The following FAM222B variants were observed in gnomAD, a reference collection of about 807,000 sequenced individuals.
FAM222B encodes the protein family with sequence similarity 222 member B.
A neutral mutation model predicts 38.0 loss-of-function variants in FAM222B; 12 were observed. The ratio of observed to expected loss-of-function variants is 0.32; its 90% CI spans 0.20 to 0.51. FAM222B has a LOEUF of 0.51. FAM222B is among the 20% of genes least tolerant of loss of function. FAM222B has a pLI of 0.97. For missense variants in FAM222B, 716 were observed against 754.2 expected (o/e 0.95, Z 0.59); for synonymous variants, 329 against 317.2 (o/e 1.04, Z -0.40).
intron 1 of FAM222B, among the ~76,000 whole-genome samples, chr17:28,827,307 A>G (rs1211442227): frequency 6.6e-6 from 1 of 152,112 alleles, no homozygotes; most frequent in Admixed American, 6.6e-5. Context: ...GCAGTGAGCT[A>G]TGACAGTGCC....
chr17:28,815,566 C>A (rs2037990223), intron 1 of FAM222B, among the ~76,000 whole-genome samples: 1 of 151,966 alleles, frequency 6.6e-6, no homozygotes, highest in Non-Finnish European at 1.5e-5. Context: ...GTGGCTCATG[C>A]CTGTAATCCC....
At position 28,759,285 on chromosome 17, in the gene FAM222B, G is replaced by T; in HGVS notation, c.674C>A (p.Pro225His). 2 of 1,612,940 alleles carry T rather than the reference G, an allele frequency of 1.2e-6. No homozygotes were observed. The highest frequency in any genetic ancestry group is 1.7e-6 in the Non-Finnish European group (2 of 1,179,550). ...CATCTTCCGGCCTCCATGCAGCAAG[G>T]GATTGTGGGGGTGCTGGAGACCCTG... ...AHQGLQHPHN[P>H]LLHGGRKMPD... The change falls in exon 3 of 3, where the codon CCC becomes CAC. Residue 225 changes from proline (P) to histidine (H), a missense_variant. By Grantham distance (77) the Pro-to-His change is moderately conservative. Coordinates refer to ENST00000581407, the MANE Select transcript of FAM222B (RefSeq NM_001077498.3). The surrounding 1 kb of genome is among the most constrained non-coding windows in gnomAD (Gnocchi z 4.8).
In FAM222B at chr17:28,759,216, G is replaced by A; in HGVS notation, c.743C>T (p.Thr248Ile). ...AGTGGCCGCCATTGAAAGGGGGATA[G>A]TTGAGGTAGACACGGTCACATTCGG... ...APPNVTVSTS[T>I]IPLSMAATLQ... The change falls in exon 3 of 3, where the codon ACT (threonine) becomes ATT (isoleucine). Residue 248 changes from threonine to isoleucine, a missense_variant. Transcript: ENST00000581407. This position sits in a 1 kb window ranked among gnomAD's most constrained non-coding sequence, Gnocchi z 4.8. 3 of 1,613,748 alleles carry A rather than the reference G, an allele frequency of 1.9e-6. No homozygotes were observed. The highest frequency in any genetic ancestry group is 2.5e-6 in the Non-Finnish European group (3 of 1,179,816).
At chr17:28,783,673 C>T (rs1368109812) in intron 1 of FAM222B, among the ~76,000 whole-genome samples, 3 of 152,106 alleles carry the variant, frequency 2.0e-5, no homozygotes, top group Non-Finnish European at 4.4e-5. Flanking sequence ...GTGCATCCAG[C>T]TAATTTTTTG....
chr17:28,830,535 C>T (rs192784132), intron 1 of FAM222B, among the ~76,000 whole-genome samples: 15 of 152,212 alleles, frequency 9.9e-5, no homozygotes, highest in African/African-American at 3.4e-4. Context: ...CTTATATTTT[C>T]ATCTACTTGA....
chr17:28,821,269 G>T (rs1219657103), intron 1 of FAM222B, among the ~76,000 whole-genome samples: 1 of 151,996 alleles, frequency 6.6e-6, no homozygotes, highest in Non-Finnish European at 1.5e-5. Context: ...CTAATAATAT[G>T]AACATTCTAA....
intron 2 of FAM222B, among the ~76,000 whole-genome samples, chr17:28,763,806 G>A (rs775547390): frequency 7.9e-5 from 12 of 152,190 alleles, no homozygotes; most frequent in Non-Finnish European, 1.3e-4. Flanking sequence ...ATAGTGCCTG[G>A]CACATGGTAG....
intron 2 of FAM222B, among the ~76,000 whole-genome samples, chr17:28,761,639 C>T (rs865934953): frequency 2.0e-5 from 3 of 152,126 alleles, no homozygotes; most frequent in South Asian, 2.1e-4. Flanking sequence ...TGGTTAGCAA[C>T]TCCTGCTCTG....
intron 1 of FAM222B, among the ~76,000 whole-genome samples, chr17:28,830,464 C>G (rs1230658990): frequency 6.6e-6 from 1 of 151,982 alleles, no homozygotes; most frequent in East Asian, 1.9e-4. Flanking sequence ...CCGGCCTATA[C>G]ATTCTTAATA....
At chr17:28,776,136 G>A (rs1209290851) in intron 1 of FAM222B, among the ~76,000 whole-genome samples, 1 of 150,534 alleles carries the variant, frequency 6.6e-6, no homozygotes, top group Non-Finnish European at 1.5e-5. Flanking sequence ...ATCCCAGGAG[G>A]CTGAGGCGGG....
At chr17:28,836,767 T>C (rs950261563) in intron 1 of FAM222B, among the ~76,000 whole-genome samples, 2 of 152,202 alleles carry the variant, frequency 1.3e-5, no homozygotes, top group African/African-American at 4.8e-5. Context: ...AGGCCCAGGG[T>C]GTGGCGCCGG....
chr17:28,810,119 C>G (rs2037684718), intron 1 of FAM222B, among the ~76,000 whole-genome samples: 1 of 152,108 alleles, frequency 6.6e-6, no homozygotes, highest in Non-Finnish European at 1.5e-5. Flanking sequence ...ACCTCAGCCT[C>G]CCAAGCAGCT....
At position 28,759,917 on chromosome 17, in the gene FAM222B, G is replaced by C. The variant is rs1178134697; in HGVS notation, c.83-41C>G. On this transcript the variant is annotated intron_variant, in intron 2 of 2. Transcript: ENST00000581407. The surrounding 1 kb of genome is among the most constrained non-coding windows in gnomAD (Gnocchi z 4.8). ...GGGAAGGAGAGCAAAGAGGGAGAGG[G>C]AGCTCATCAGTGCCAAGGCAAACAG... 1 of 1,486,930 alleles carries C rather than the reference G, an allele frequency of 6.7e-7. No individual in the cohort carries two copies. Among genetic ancestry groups the C allele is most frequent in the Non-Finnish European group, 9.0e-7 (1 of 1,112,376 alleles). The allele number at this position is 1,486,930 out of a possible 1,614,324, so 92.1% of individuals were successfully genotyped here.
At position 28,852,919 on chromosome 17, in the gene FAM222B, C is replaced by T. The variant is rs545470833; in HGVS notation, c.-41+2031G>A. Among the ~76,000 whole-genome samples the T allele has an allele frequency of 9.9e-5, 15 of 152,040 alleles. No individual in the cohort carries two copies. In the East Asian group the frequency reaches 2.1e-3, roughly 22 times the overall value. ...AAAAGATTTAAAAATTAGCACTGGG[C>T]GAGGTGGCTGACGCCTGTAATCCCA... is the stretch of plus-strand genomic sequence containing the variant. On this transcript the variant is annotated intron_variant, in intron 1 of 2. Coordinates refer to the FAM222B transcript ENST00000577513.
chr17:28,817,396 G>C (rs1166242436), intron 1 of FAM222B, among the ~76,000 whole-genome samples: 2 of 149,198 alleles, frequency 1.3e-5, no homozygotes, highest in Middle Eastern at 3.4e-3. Context: ...CTGGGCAACA[G>C]AGTGAGACTC....
Position 28,759,008 on chromosome 17 carries a change from T to C in FAM222B, c.951A>G (p.Thr317=), listed in dbSNP as rs748197585. ...STRVSTHSVP[T]PMPSCVVNPM... is the part of the protein sequence containing the mutation. Reference sequence around the variant, plus strand: ...GATTGACCACACATGAAGGCATTGGTGTGGGGACGCTGTGGGTCGACACCC... The same window carrying C: ...GATTGACCACACATGAAGGCATTGGCGTGGGGACGCTGTGGGTCGACACCC... The change falls in exon 3 of 3, where the codon ACA becomes ACG. Residue 317 remains threonine (T), a synonymous_variant. Coordinates refer to ENST00000581407, the MANE Select transcript of FAM222B (RefSeq NM_001077498.3). The surrounding 1 kb of genome is among the most constrained non-coding windows in gnomAD (Gnocchi z 4.8). The C allele has an allele frequency of 5.6e-6, 9 of 1,612,752 alleles. No individual in the cohort carries two copies. Among genetic ancestry groups the C allele is most frequent in the Admixed American group, 3.3e-5 (2 of 59,780 alleles).
intron 2 of FAM222B, among the ~76,000 whole-genome samples, chr17:28,765,372 G>A (rs1412111636): frequency 3.9e-5 from 6 of 152,146 alleles, no homozygotes; most frequent in African/African-American, 9.7e-5. Flanking sequence ...TGTGGCTGCC[G>A]TTGCCCTACA....
intron 1 of FAM222B, chr17:28,834,263 C>T (rs1011407047): frequency 6.6e-6 from 1 of 152,162 alleles, no homozygotes. Context: ...GTTACTTCTA[C>T]TTAAATAGTG....
At chr17:28,782,233 G>C (rs909519884) in intron 1 of FAM222B, among the ~76,000 whole-genome samples, 1 of 152,084 alleles carries the variant, frequency 6.6e-6, no homozygotes, top group Admixed American at 6.6e-5. Context: ...AAGGCAGGAG[G>C]ATCACTTAGG....
Sources: allele counts gnomAD v4.1 joint callset (sites outside exome capture counted in the v4.1 genomes callset), GRCh38; gene constraint gnomAD v4.1.1; non-coding constraint Gnocchi (gnomAD v3.1); transcripts MANE v1.5; gene names NCBI Gene and HGNC (gene_info 2026-07-23, HGNC 2026-07-21).